Variants in ABCD2 observed in about 807,000 individuals in gnomAD.
The protein encoded by ABCD2 is ATP-binding cassette sub-family D member 2.
In ABCD2, 36 loss-of-function variants were observed where a neutral mutation model predicts 70.9. The observed-to-expected ratio is 0.51, with a 90% CI of 0.39 to 0.67. ABCD2 has a LOEUF of 0.67. Among genes scored for constraint, ABCD2 ranks in the 30% least tolerant of loss-of-function variants. ABCD2 has a pLI of 0.00. For missense variants in ABCD2, 729 were observed against 890.2 expected, an observed-to-expected ratio of 0.82 and a Z score of 2.30; for synonymous variants, 304 against 306.9, an observed-to-expected ratio of 0.99 and a Z score of 0.10.
intron 9 of ABCD2, among the ~76,000 whole-genome samples, chr12:39,555,577 G>A (rs1010282785): frequency 7.9e-5 from 12 of 152,136 alleles, no homozygotes; most frequent in Admixed American, 2.6e-4. Flanking sequence ...AAAGTGCACA[G>A]CTCAGAGAGA....
intron 7 of ABCD2, among the ~76,000 whole-genome samples, chr12:39,583,300 T>C (rs1225379280): frequency 6.6e-6 from 1 of 152,220 alleles, no homozygotes; most frequent in East Asian, 1.9e-4. Context: ...CTAATCAAGA[T>C]TTAATTCCAG....
intron 9 of ABCD2, among the ~76,000 whole-genome samples, chr12:39,555,868 G>A (rs1003389576): frequency 3.3e-5 from 5 of 152,154 alleles, no homozygotes; most frequent in Non-Finnish European, 5.9e-5. Flanking sequence ...AGGACTCAGT[G>A]GCTGGGGGCT....
downstream of ABCD2, among the ~76,000 whole-genome samples, chr12:39,548,993 A>G (rs2120494394): frequency 1.3e-5 from 2 of 152,104 alleles, no homozygotes; most frequent in Middle Eastern, 3.4e-3. Flanking sequence ...TTTGCTTTTT[A>G]GAACTTTCCT....
Position 39,607,722 on chromosome 12 carries a change from T to G in ABCD2, c.1121-8A>C. On this transcript the variant is annotated splice_polypyrimidine_tract_variant and splice_region_variant and intron_variant, in intron 2 of 9. Transcript: ENST00000308666. ...CTTGCTTTTGGCCATCCTCTAGATA[T>G]AAAAACAAATTACAAAACTTGAGTT... The G allele has an allele frequency of 7.1e-7, 1 of 1,413,040 alleles. No homozygotes were observed. The highest frequency in any genetic ancestry group is 9.8e-7 in the Non-Finnish European group (1 of 1,024,600). 87.5% of individuals were successfully genotyped at this position (1,413,040 alleles called of 1,614,324 possible).
intron 1 of ABCD2, 25 bp downstream of exon 1, chr12:39,618,652 C>T: frequency 6.3e-7 from 1 of 1,585,606 alleles, no homozygotes; most frequent in South Asian, 1.2e-5. Flanking sequence ...TCACATTTCA[C>T]CCATCACCTT....
rs559114378 is a variant in ABCD2, at chr12:39,550,117, A to G, written c.*3795T>C. 5.9e-5 allele frequency: 9 copies of G among 151,906 alleles called. No individual in the cohort carries two copies. The East Asian group carries it at 1.7e-3, about 29-fold the overall frequency. 9.4% of individuals were successfully genotyped at this position (151,906 alleles called of 1,614,324 possible). A position where few individuals can be genotyped will look rare whatever the true frequency, so the allele number is the denominator to read the frequency against. On this transcript the variant is annotated 3_prime_UTR_variant, in exon 10 of 10. Coordinates refer to ENST00000308666, the MANE Select transcript of ABCD2 (RefSeq NM_005164.4). ...AGATACTTATTAAATGTGTTGTATT[A>G]ATAAAGAAAATTAATATTTAAATAA... is the stretch of plus-strand genomic sequence containing the variant.
At position 39,553,818 on chromosome 12, in the gene ABCD2, TTC is replaced by T; in HGVS notation, c.*92_*93del. The stretch of plus-strand genomic sequence containing the variant: ...ATAAAACATGTCTTGCTGCCTTTTT[TTC>T]TCTGTGCTTAGCTTAACATACTTCA... On this transcript the variant is annotated 3_prime_UTR_variant, in exon 10 of 10. Transcript: ENST00000308666. The T allele has an allele frequency of 1.1e-6, 1 of 930,684 alleles. No homozygotes were observed. The highest frequency in any genetic ancestry group is 1.6e-6 in the Non-Finnish European group (1 of 636,582). The allele number at this position is 930,684 out of a possible 1,614,324, so 57.7% of individuals were successfully genotyped here. A position where few individuals can be genotyped will look rare whatever the true frequency, so the allele number is the denominator to read the frequency against.
chr12:39,540,818 C>T, the ABCD2 span, among the ~76,000 whole-genome samples: 1 of 152,226 alleles, frequency 6.6e-6, no homozygotes. Flanking sequence ...ATTGTCCCAC[C>T]TTTCTGGACC....
At position 39,602,857 on chromosome 12, in the gene ABCD2, C is replaced by T. The variant is rs7137962; in HGVS notation, c.1500+1055G>A. On this transcript the variant is annotated intron_variant, in intron 5 of 9. Coordinates refer to ENST00000308666, the MANE Select transcript of ABCD2 (RefSeq NM_005164.4). ...TCAATATTATAAAATGTATCCAGAC[C>T]AAAACACCCTCTCTATAAAATCATA... 8.8e-3 allele frequency among the ~76,000 whole-genome samples: 1,337 copies of T among 152,040 alleles called. 15 individuals are homozygous for T. The highest frequency in any genetic ancestry group is 0.016 in the Non-Finnish European group (1,066 of 67,932).
At chr12:39,587,943 T>A (rs1412707287) in intron 6 of ABCD2, among the ~76,000 whole-genome samples, 1 of 152,160 alleles carries the variant, frequency 6.6e-6, no homozygotes, top group Admixed American at 6.6e-5. Context: ...CAGGCGGAAA[T>A]TTTAAACTTT....
chr12:39,552,003 G>A lies in ABCD2; in HGVS notation c.*1909C>T, dbSNP rs1362333259. ...ACTGGATAATCACTTATGTAGAAAA[G>A]ATTAATGAATAATTTTTAGCAAGTT... On this transcript the variant is annotated 3_prime_UTR_variant, in exon 10 of 10. Coordinates refer to ENST00000308666, the MANE Select transcript of ABCD2 (RefSeq NM_005164.4). The A allele has an allele frequency of 6.6e-6, 1 of 151,632 alleles. No homozygotes were observed. Among genetic ancestry groups the A allele is most frequent in the Non-Finnish European group, 1.5e-5 (1 of 67,716 alleles). The allele number at this position is 151,632 out of a possible 1,614,324, so 9.4% of individuals were successfully genotyped here.
In ABCD2 at chr12:39,603,895, C is replaced by T; in HGVS notation, c.1500+17G>A. ...GTGTGATGGCAACAATCAGAAGATT[C>T]TTGAATATCATCTTACTTTGAAGTT... On this transcript the variant is annotated intron_variant, in intron 5 of 9. Coordinates refer to ENST00000308666, the MANE Select transcript of ABCD2 (RefSeq NM_005164.4). 3 of 1,555,706 alleles carry T rather than the reference C, an allele frequency of 1.9e-6. No individual in the cohort carries two copies. The South Asian group carries it at 3.3e-5, about 17-fold the overall frequency.
downstream of ABCD2, among the ~76,000 whole-genome samples, chr12:39,548,074 TC>T (rs1941043779): frequency 6.6e-6 from 1 of 152,074 alleles, no homozygotes; most frequent in African/African-American, 2.4e-5. Flanking sequence ...TTTGATCTTT[TC>T]CTGGGCTAGA....
At chr12:39,612,546 T>G (rs1015905563) in intron 2 of ABCD2, among the ~76,000 whole-genome samples, 1 of 152,216 alleles carries the variant, frequency 6.6e-6, no homozygotes, top group Non-Finnish European at 1.5e-5. Flanking sequence ...GTGAGGTCAT[T>G]ATACTTTGTG....
Position 39,551,838 on chromosome 12 carries a change from A to T in ABCD2, c.*2074T>A, listed in dbSNP as rs192355731. ...AAAATTATCAGGTTGTTTTAAAATT[A>T]TGTTTTATTTTTATATTATGAAAAT... is the stretch of plus-strand genomic sequence containing the variant. On this transcript the variant is annotated 3_prime_UTR_variant, in exon 10 of 10. Transcript: ENST00000308666. 6.6e-6 allele frequency: 1 copy of T among 151,904 alleles called. No homozygotes were observed. The highest frequency in any genetic ancestry group is 6.6e-5 in the Admixed American group (1 of 15,240). The allele number at this position is 151,904 out of a possible 1,614,324, so 9.4% of individuals were successfully genotyped here.
Position 39,589,681 on chromosome 12 carries a change from C to A in ABCD2, c.1647-3384G>T, listed in dbSNP as rs183855393. On this transcript the variant is annotated intron_variant, in intron 6 of 9. Coordinates refer to ENST00000308666, the MANE Select transcript of ABCD2 (RefSeq NM_005164.4). Reference sequence around the variant, plus strand: ...GGATTACAGGTGTGAGCCACCGCACCCAGCCCTATCTGAGCTATTGTTATT... The same window carrying A: ...GGATTACAGGTGTGAGCCACCGCACACAGCCCTATCTGAGCTATTGTTATT... Among the ~76,000 whole-genome samples the A allele has an allele frequency of 1.2e-4, 18 of 152,066 alleles. No homozygotes were observed. The East Asian group carries it at 3.5e-3, about 29-fold the overall frequency.
chr12:39,553,815 T>G lies in ABCD2; in HGVS notation c.*97A>C. The G allele has an allele frequency of 1.1e-6, 1 of 920,214 alleles. No individual in the cohort carries two copies. The highest frequency in any genetic ancestry group is 2.9e-5 in the Admixed American group (1 of 34,220). The allele number at this position is 920,214 out of a possible 1,614,324, so 57.0% of individuals were successfully genotyped here. Reference sequence around the variant, plus strand: ...CTTATAAAACATGTCTTGCTGCCTTTTTTTCTCTGTGCTTAGCTTAACATA... The same window carrying G: ...CTTATAAAACATGTCTTGCTGCCTTGTTTTCTCTGTGCTTAGCTTAACATA... On this transcript the variant is annotated 3_prime_UTR_variant, in exon 10 of 10. Transcript: ENST00000308666.
chr12:39,577,192 T>A (rs1229129889), intron 8 of ABCD2, among the ~76,000 whole-genome samples: 2 of 152,126 alleles, frequency 1.3e-5, no homozygotes. Context: ...TAATCGCTAA[T>A]GAGATAACAG....
chr12:39,604,651 G>A, intron 4 of ABCD2, 111 bp downstream of exon 4: 1 of 790,426 alleles, frequency 1.3e-6, no homozygotes, highest in African/African-American at 1.8e-5. Context: ...AAATAATGTT[G>A]GTTATTTAAA....
Sources: gnomAD v4.1 joint callset for allele counts (sites outside exome capture counted in the v4.1 genomes callset) on GRCh38, gnomAD v4.1.1 for gene constraint, MANE v1.5 for transcripts, NCBI Gene and HGNC (gene_info 2026-07-23, HGNC 2026-07-21) for gene names.